Variants in GPR146 observed in about 807,000 individuals in gnomAD.
GPR146 encodes G protein-coupled receptor 146.
For missense variants in GPR146, 381 were observed against 213.9 expected, an observed-to-expected ratio of 1.78 and a Z score of -4.87; for synonymous variants, 203 against 104.3, an observed-to-expected ratio of 1.95 and a Z score of -5.77.
intron 1 of GPR146, among the ~76,000 whole-genome samples, chr7:1,053,289 C>G (rs73267951): frequency 0.22 from 32,899 of 152,320 alleles, 11,820 homozygotes; most frequent in African/African-American, 0.74. Context: ...CCCCCTCACT[C>G]GGACGCAGGT....
Position 1,058,463 on chromosome 7 carries a change from C to A in GPR146, c.948C>A (p.Cys316Ter). ...KLQRLMKKLPCGDRHCSPDHM... is the reference protein window; with the variant it reads ...KLQRLMKKLP ...AACGGCTGATGAAAAAGCTGCCCTG[C>A]GGGGACCGGCACTGCTCCCCGGACC... The change falls in exon 2 of 2, where the codon TGC (cysteine) becomes TGA (stop). Residue 316 changes from cysteine to a stop codon, truncating the protein, a stop_gained. Coordinates refer to ENST00000444847, the MANE Select transcript of GPR146 (RefSeq NM_001303473.2). LOFTEE classifies it high-confidence loss of function. 1 of 780,402 alleles carries A rather than the reference C, an allele frequency of 1.3e-6. No homozygotes were observed. Among genetic ancestry groups the A allele is most frequent in the Non-Finnish European group, 2.4e-6 (1 of 418,116 alleles). The allele number at this position is 780,402 out of a possible 1,614,324, so 48.3% of individuals were successfully genotyped here. A position where few individuals can be genotyped will look rare whatever the true frequency, so the allele number is the denominator to read the frequency against.
chr7:1,059,117 C>CT lies in GPR146; in HGVS notation c.*601dup, dbSNP rs1239452066. On this transcript the variant is annotated 3_prime_UTR_variant, in exon 2 of 2. Transcript: ENST00000444847. The stretch of plus-strand genomic sequence containing the variant: ...AGCTATTCAATAGCAGTGACGCGCT[C>CT]TCCTCAGCCACCAAATGTCCCTGAC... 38 of 169,346 alleles carry CT rather than the reference C, an allele frequency of 2.2e-4. No homozygotes were observed. Among genetic ancestry groups the CT allele is most frequent in the Non-Finnish European group, 2.9e-5 (2 of 69,620 alleles). The allele number at this position is 169,346 out of a possible 1,614,324, so 10.5% of individuals were successfully genotyped here. A position where few individuals can be genotyped will look rare whatever the true frequency, so the allele number is the denominator to read the frequency against.
At chr7:1,048,400 G>C (rs1375919421) in intron 1 of GPR146, among the ~76,000 whole-genome samples, 1 of 152,102 alleles carries the variant, frequency 6.6e-6, no homozygotes, top group South Asian at 2.1e-4. Context: ...GTTTCTGCCA[G>C]CTCTGTGCAG....
intron 1 of GPR146, chr7:1,055,197 G>T: frequency 6.4e-6 from 3 of 468,434 alleles, no homozygotes; most frequent in Non-Finnish European, 1.3e-5. Context: ...CCTCGTTTCT[G>T]GAACCCGGCT....
At position 1,058,777 on chromosome 7, in the gene GPR146, C is replaced by G. The variant is rs1192339747; in HGVS notation, c.*260C>G. 5 of 505,836 alleles carry G rather than the reference C, an allele frequency of 9.9e-6. No homozygotes were observed. Among genetic ancestry groups the G allele is most frequent in the African/African-American group, 9.5e-5 (5 of 52,394 alleles). 31.3% of individuals were successfully genotyped at this position (505,836 alleles called of 1,614,324 possible). A position where few individuals can be genotyped will look rare whatever the true frequency, so the allele number is the denominator to read the frequency against. ...GCTCAAGGTCCACATCCGCAAAAGC[C>G]TCCTCGCCTTCAGCCTCCTCAGCAT... On this transcript the variant is annotated 3_prime_UTR_variant, in exon 2 of 2. Transcript: ENST00000444847.
intron 1 of GPR146, among the ~76,000 whole-genome samples, chr7:1,050,983 T>C (rs1009271358): frequency 6.6e-6 from 1 of 152,186 alleles, no homozygotes; most frequent in South Asian, 2.1e-4. Context: ...GATGGACAGA[T>C]TGGCTGAGGT....
In GPR146 at chr7:1,059,203, A is replaced by C. The variant is rs567849485; in HGVS notation, c.*686A>C. ...GTTTTTTTCAGTATGAACCTGTCCT[A>C]AATCAATTCCTCAAAGTGTGCACAA... On this transcript the variant is annotated 3_prime_UTR_variant, in exon 2 of 2. Coordinates refer to ENST00000444847, the MANE Select transcript of GPR146 (RefSeq NM_001303473.2). 6.0e-6 allele frequency: 1 copy of C among 167,504 alleles called. No homozygotes were observed. Among genetic ancestry groups the C allele is most frequent in the South Asian group, 2.1e-4 (1 of 4,864 alleles). The allele number at this position is 167,504 out of a possible 1,614,324, so 10.4% of individuals were successfully genotyped here. A position where few individuals can be genotyped will look rare whatever the true frequency, so the allele number is the denominator to read the frequency against.
chr7:1,054,513 G>T (rs550884408), intron 1 of GPR146, among the ~76,000 whole-genome samples: 3 of 152,238 alleles, frequency 2.0e-5, no homozygotes, highest in African/African-American at 7.2e-5. Context: ...TGGGACGCAC[G>T]TGAGCGCAGG....
intron 1 of GPR146, among the ~76,000 whole-genome samples, chr7:1,047,194 A>C (rs1782661334): frequency 6.6e-6 from 1 of 152,250 alleles, no homozygotes; most frequent in Non-Finnish European, 1.5e-5. Context: ...CCATAGCTGC[A>C]GGCACAGGTG....
chr7:1,054,919 G>C (rs988972064), intron 1 of GPR146, among the ~76,000 whole-genome samples: 1 of 152,236 alleles, frequency 6.6e-6, no homozygotes, highest in Non-Finnish European at 1.5e-5. Flanking sequence ...CCAGGCCTTC[G>C]CTCGACAGTA....
At chr7:1,055,201 C>T (rs554295045) in intron 1 of GPR146, 1 of 468,794 alleles carries the variant, frequency 2.1e-6, no homozygotes, top group Non-Finnish European at 4.4e-6. Flanking sequence ...GTTTCTGGAA[C>T]CCGGCTGTAA....
Position 1,049,957 on chromosome 7 carries a change from C to T in GPR146, c.-25+5299C>T, listed in dbSNP as rs115017362. On this transcript the variant is annotated intron_variant, in intron 1 of 1. Coordinates refer to ENST00000444847, the MANE Select transcript of GPR146 (RefSeq NM_001303473.2). ...GCAGCAGCCAGCAGCCACCCCACCC[C>T]ACCCCAACAAGGAGAGCTGCCCCAC... is the stretch of plus-strand genomic sequence containing the variant. 5.4e-3 allele frequency among the ~76,000 whole-genome samples: 816 copies of T among 152,304 alleles called. 9 individuals carry two copies. The highest frequency in any genetic ancestry group is 0.019 in the African/African-American group (784 of 41,568).
rs140082821 is a variant in GPR146, at chr7:1,056,307, G to A, written c.-24-1185G>A. On this transcript the variant is annotated intron_variant, in intron 1 of 1. Transcript: ENST00000444847. ...GACCTGGGGGTGCTGTGGCAGCGCT[G>A]TGGCGGCACTGTGGCTGGGCACACC... The A allele has an allele frequency of 4.9e-3, 749 of 153,126 alleles. 1 individual carries two copies. The highest frequency in any genetic ancestry group is 8.0e-3 in the Non-Finnish European group (550 of 68,640). 9.5% of individuals were successfully genotyped at this position (153,126 alleles called of 1,614,324 possible).
intron 1 of GPR146, among the ~76,000 whole-genome samples, chr7:1,046,626 A>C (rs1171402709): frequency 2.0e-5 from 3 of 152,208 alleles, no homozygotes; most frequent in African/African-American, 4.8e-5. Flanking sequence ...GCCCGGGACC[A>C]GAAGTCAGTT....
intron 1 of GPR146, among the ~76,000 whole-genome samples, chr7:1,053,943 G>T (rs1365475961): frequency 5.3e-5 from 8 of 152,232 alleles, no homozygotes. Flanking sequence ...GCACTCCCAG[G>T]GACCCTGTTC....
chr7:1,052,424 G>A lies in GPR146; in HGVS notation c.-24-5068G>A, dbSNP rs1424705712. Among the ~76,000 whole-genome samples, 4 of 152,194 alleles carry A rather than the reference G, an allele frequency of 2.6e-5. No individual in the cohort carries two copies. The highest frequency in any genetic ancestry group is 7.2e-5 in the African/African-American group (3 of 41,454). ...TGTGGGTGGCAGGTCTTGAGGAGTCGTGGGGGAGGGTTTCGGGGGGAGATG... is the reference window on the plus strand; with the variant it reads ...TGTGGGTGGCAGGTCTTGAGGAGTCATGGGGGAGGGTTTCGGGGGGAGATG... On this transcript the variant is annotated intron_variant, in intron 1 of 1. Coordinates refer to ENST00000444847, the MANE Select transcript of GPR146 (RefSeq NM_001303473.2). The surrounding 1 kb of genome is among the most constrained non-coding windows in gnomAD (Gnocchi z 4.2).
In GPR146 at chr7:1,049,191, C is replaced by T. The variant is rs1157704540; in HGVS notation, c.-25+4533C>T. On this transcript the variant is annotated intron_variant, in intron 1 of 1. Transcript: ENST00000444847. Reference sequence around the variant, plus strand: ...GGGGCCCATGTTGTTGTCACCCCCACCCTGCCCCACGTTTCCCCTGCACAC... The same window carrying T: ...GGGGCCCATGTTGTTGTCACCCCCATCCTGCCCCACGTTTCCCCTGCACAC... 2.0e-5 allele frequency among the ~76,000 whole-genome samples: 3 copies of T among 152,218 alleles called. No homozygotes were observed. In the East Asian group the frequency reaches 5.8e-4, roughly 29 times the overall value.
chr7:1,047,269 G>A (rs537902254), intron 1 of GPR146, among the ~76,000 whole-genome samples: 4 of 152,314 alleles, frequency 2.6e-5, no homozygotes, highest in Non-Finnish European at 4.4e-5. Flanking sequence ...TCCTGGAGCC[G>A]CAAACATGCT....
rs888983487 is a variant in GPR146, at chr7:1,057,798, T to C, written c.283T>C (p.Trp95Arg). ...LGPPSSRWAL[W>R]SVGGEVHVAL... is the part of the protein sequence containing the mutation. ...CCCCCCGAGCTCCCGGTGGGCGCTG[T>C]GGAGTGTGGGCGGCGAAGTCCACGT... The change falls in exon 2 of 2, where the codon TGG (tryptophan) becomes CGG (arginine). Residue 95 changes from tryptophan (W) to arginine (R), a missense_variant. Trp to Arg is a moderately radical substitution (Grantham distance 101). Coordinates refer to ENST00000444847, the MANE Select transcript of GPR146 (RefSeq NM_001303473.2). 3 of 776,500 alleles carry C rather than the reference T, an allele frequency of 3.9e-6. No individual in the cohort carries two copies. Among genetic ancestry groups the C allele is most frequent in the Admixed American group, 1.7e-5 (1 of 59,004 alleles). The allele number at this position is 776,500 out of a possible 1,614,324, so 48.1% of individuals were successfully genotyped here. A position where few individuals can be genotyped will look rare whatever the true frequency, so the allele number is the denominator to read the frequency against.
Sources: allele counts gnomAD v4.1 joint callset (sites outside exome capture counted in the v4.1 genomes callset), GRCh38; gene constraint gnomAD v4.1.1; non-coding constraint Gnocchi (gnomAD v3.1); transcripts MANE v1.5; gene names NCBI Gene and HGNC (gene_info 2026-07-23, HGNC 2026-07-21).